The following CD2 variants were observed in gnomAD, a reference collection of about 807,000 sequenced individuals.
CD2 encodes the protein T-cell surface antigen CD2.
CD2 carries 18 observed loss-of-function variants against 23.2 expected under a neutral mutation model. The ratio of observed to expected loss-of-function variants is 0.77; its 90% confidence interval spans 0.54 to 1.15. CD2 has a LOEUF of 1.15. Among genes scored for constraint, CD2 ranks in the 50% most tolerant of loss-of-function variants. The probability of loss-of-function intolerance (pLI) is 0.00; values close to 1 mark genes in which losing one functional copy is unlikely to be tolerated. For missense variants in CD2, 424 were observed against 423.1 expected (o/e 1.00, Z -0.02); for synonymous variants, 162 against 151.9 (o/e 1.07, Z -0.49).
At chr1:116,763,648 G>A (rs1571242546) in intron 3 of CD2, among the ~76,000 whole-genome samples, 1 of 152,176 alleles carries the variant, frequency 6.6e-6, no homozygotes, top group African/African-American at 2.4e-5. Flanking sequence ...ACCCTATGAT[G>A]TAGGTTTCAT....
At chr1:116,761,154 C>G (rs1652039127) in intron 3 of CD2, among the ~76,000 whole-genome samples, 1 of 152,182 alleles carries the variant, frequency 6.6e-6, no homozygotes, top group African/African-American at 2.4e-5. Flanking sequence ...ACTCCTGGCA[C>G]ACAACAGGAC....
At position 116,754,498 on chromosome 1, in the gene CD2, C is replaced by T; in HGVS notation, c.6C>T (p.Ser2=). ...AGAGGAAACCAACCCCTAAGATGAG[C>T]TTTCCATGTAAATTTGTAGCCAGCT... M[S]FPCKFVASFL... Residue 2 remains serine, a synonymous_variant, in exon 1 of 5, where the codon AGC becomes AGT. Coordinates refer to ENST00000369478, the MANE Select transcript of CD2 (RefSeq NM_001767.5). 6.2e-7 allele frequency: 1 copy of T among 1,613,988 alleles called. No individual in the cohort carries two copies. Among genetic ancestry groups the T allele is most frequent in the Non-Finnish European group, 8.5e-7 (1 of 1,179,974 alleles).
intron 4 of CD2, among the ~76,000 whole-genome samples, chr1:116,766,376 A>G (rs575399246): frequency 2.8e-4 from 42 of 152,272 alleles, no homozygotes; most frequent in African/African-American, 9.9e-4. Flanking sequence ...CTCCTACCAG[A>G]GCTCATGTGC....
At chr1:116,764,038 C>T (rs1438637025) in intron 3 of CD2, among the ~76,000 whole-genome samples, 1 of 151,904 alleles carries the variant, frequency 6.6e-6, no homozygotes, top group Non-Finnish European at 1.5e-5. Flanking sequence ...ATCAACAGTG[C>T]AGAAACACCG....
At position 116,764,596 on chromosome 1, in the gene CD2, T is replaced by C. The variant is rs1218067584; in HGVS notation, c.726T>C (p.Ser242=). 3.7e-6 allele frequency: 6 copies of C among 1,612,682 alleles called. No homozygotes were observed. Among genetic ancestry groups the C allele is most frequent in the Non-Finnish European group, 5.1e-6 (6 of 1,179,624 alleles). ...TCACCAAAAGGAAAAAACAGAGGAG[T>C]CGGAGAAATGGTAAGCTCCCCCTCT... is the stretch of plus-strand genomic sequence containing the variant. ...FYITKRKKQR[S]RRNDEELETR... is the part of the protein sequence containing the mutation. Residue 242 remains serine (S), a synonymous_variant, in exon 4 of 5, where the codon AGT becomes AGC. Coordinates refer to ENST00000369478, the MANE Select transcript of CD2 (RefSeq NM_001767.5).
At position 116,760,510 on chromosome 1, in the gene CD2, A is replaced by G. The variant is rs1302803145; in HGVS notation, c.491A>G (p.His164Arg). ...TTAAACCTGTATCAAGATGGGAAAC[A>G]TCTAAAACTTTCTCAGAGGGTCATC... ...PELNLYQDGK[H>R]LKLSQRVITH... Residue 164 changes from histidine to arginine, a missense_variant, in exon 3 of 5, where the codon CAT (histidine) becomes CGT (arginine). His to Arg is a conservative substitution (Grantham distance 29). Transcript: ENST00000369478. 6.2e-7 allele frequency: 1 copy of G among 1,614,216 alleles called. No individual in the cohort carries two copies. The highest frequency in any genetic ancestry group is 8.5e-7 in the Non-Finnish European group (1 of 1,180,030).
chr1:116,760,474 C>T lies in CD2; in HGVS notation c.455C>T (p.Thr152Ile). The change falls in exon 3 of 5, where the codon ACT (threonine) becomes ATT (isoleucine). Residue 152 changes from threonine (T) to isoleucine (I), a missense_variant. Coordinates refer to ENST00000369478, the MANE Select transcript of CD2 (RefSeq NM_001767.5). ...CTGACCTGTGAGGTAATGAATGGAA[C>T]TGACCCCGAATTAAACCTGTATCAA... ...TTLTCEVMNGTDPELNLYQDG... is the reference protein window; with the variant it reads ...TTLTCEVMNGIDPELNLYQDG... The T allele has an allele frequency of 6.2e-7, 1 of 1,614,214 alleles. No homozygotes were observed.
chr1:116,764,605 T>C lies in CD2; in HGVS notation c.735T>C (p.Asn245=), dbSNP rs961169011. The C allele has an allele frequency of 2.5e-6, 4 of 1,613,378 alleles. No individual in the cohort carries two copies. The highest frequency in any genetic ancestry group is 3.3e-5 in the Admixed American group (2 of 59,990). Residue 245 remains asparagine (N), a splice_region_variant and synonymous_variant, in exon 4 of 5, where the codon AAT becomes AAC. Coordinates refer to ENST00000369478, the MANE Select transcript of CD2 (RefSeq NM_001767.5). ...TKRKKQRSRR[N]DEELETRAHR... is the part of the protein sequence containing the mutation. ...GGAAAAAACAGAGGAGTCGGAGAAATGGTAAGCTCCCCCTCTTTTGTCCCA... is the reference window on the plus strand; with the variant it reads ...GGAAAAAACAGAGGAGTCGGAGAAACGGTAAGCTCCCCCTCTTTTGTCCCA...
chr1:116,758,062 C>A (rs1475180480), intron 2 of CD2, among the ~76,000 whole-genome samples: 2 of 151,422 alleles, frequency 1.3e-5, no homozygotes, highest in African/African-American at 4.8e-5. Context: ...GCCACCTCTC[C>A]CAGCTGAAAT....
rs562415337 is a variant in CD2 at position 116,768,930 on chromosome 1, G to A, written c.*147G>A. The A allele has an allele frequency of 1.5e-5, 11 of 755,110 alleles. No homozygotes were observed. Among genetic ancestry groups the A allele is most frequent in the African/African-American group, 5.3e-5 (3 of 56,398 alleles). The allele number at this position is 755,110 out of a possible 1,614,324, so 46.8% of individuals were successfully genotyped here. A position where few individuals can be genotyped will look rare whatever the true frequency, so the allele number is the denominator to read the frequency against. ...GGGCCACAGCCACCTCTGCATCTTC[G>A]AACTCAGCCATGTGGTCAACATCTG... On this transcript the variant is annotated 3_prime_UTR_variant, in exon 5 of 5. Transcript: ENST00000369478.
At chr1:116,759,477 G>C (rs1651966253) in intron 2 of CD2, among the ~76,000 whole-genome samples, 1 of 152,056 alleles carries the variant, frequency 6.6e-6, no homozygotes, top group South Asian at 2.1e-4. Context: ...ACACAGCTAG[G>C]AAGTGATGGG....
rs573721647 is a variant in CD2 at position 116,767,591 on chromosome 1, C to CA, written c.737-856dup. On this transcript the variant is annotated intron_variant, in intron 4 of 4. Transcript: ENST00000369478. ...GGGCAACAAGAGTGAAACTTCAACTCAAAAAAAAAAAAAAAAAGAGGTAAT... is the reference window on the plus strand; with the variant it reads ...GGGCAACAAGAGTGAAACTTCAACTCAAAAAAAAAAAAAAAAAAGAGGTAAT... 7.7e-3 allele frequency among the ~76,000 whole-genome samples: 552 copies of CA among 71,684 alleles called. 5 individuals are homozygous for CA. Among genetic ancestry groups the CA allele is most frequent in the African/African-American group, 0.014 (332 of 24,046 alleles). The allele number at this position is 71,684 out of a possible 152,430, so 47.0% of individuals were successfully genotyped here.
chr1:116,756,590 G>A (rs1370340513), intron 2 of CD2, among the ~76,000 whole-genome samples: 2 of 151,880 alleles, frequency 1.3e-5, no homozygotes, highest in Non-Finnish European at 2.9e-5. Flanking sequence ...TTTCCAAGCA[G>A]CTTCATTGAG....
At chr1:116,766,961 C>A (rs927367844) in intron 4 of CD2, among the ~76,000 whole-genome samples, 2 of 152,134 alleles carry the variant, frequency 1.3e-5, no homozygotes, top group Middle Eastern at 3.2e-3. Context: ...GAAGGACCAC[C>A]CACTGCCCCA....
At chr1:116,759,633 G>A (rs889596613) in intron 2 of CD2, among the ~76,000 whole-genome samples, 17 of 152,188 alleles carry the variant, frequency 1.1e-4, no homozygotes, top group African/African-American at 4.1e-4. Flanking sequence ...GATCTGCCCA[G>A]GGCTTTGCCA....
chr1:116,761,509 T>C (rs1652053375), intron 3 of CD2, among the ~76,000 whole-genome samples: 1 of 152,178 alleles, frequency 6.6e-6, no homozygotes, highest in Non-Finnish European at 1.5e-5. Context: ...GCAGCTAGCT[T>C]CCCTCAGAGC....
chr1:116,764,887 A>G (rs914769503), intron 4 of CD2, among the ~76,000 whole-genome samples: 1 of 152,172 alleles, frequency 6.6e-6, no homozygotes, highest in African/African-American at 2.4e-5. Context: ...GCTAATGTGA[A>G]CATCTTTTGA....
rs1652316451 is a variant in CD2 at position 116,769,060 on chromosome 1, T to C, written c.*277T>C. ...ACCGAGCACAGAAATCTTAGAGATTTCTTGTCCCCTCTCAGGTCATGTGTA... is the reference window on the plus strand; with the variant it reads ...ACCGAGCACAGAAATCTTAGAGATTCCTTGTCCCCTCTCAGGTCATGTGTA... On this transcript the variant is annotated 3_prime_UTR_variant, in exon 5 of 5. Coordinates refer to ENST00000369478, the MANE Select transcript of CD2 (RefSeq NM_001767.5). 2.5e-6 allele frequency: 1 copy of C among 400,442 alleles called. No homozygotes were observed. The highest frequency in any genetic ancestry group is 4.5e-6 in the Non-Finnish European group (1 of 223,538). 24.8% of individuals were successfully genotyped at this position (400,442 alleles called of 1,614,324 possible).
chr1:116,768,850 C>A lies in CD2; in HGVS notation c.*67C>A. On this transcript the variant is annotated 3_prime_UTR_variant, in exon 5 of 5. Coordinates refer to ENST00000369478, the MANE Select transcript of CD2 (RefSeq NM_001767.5). Reference sequence around the variant, plus strand: ...TTTCTGCCCTCCTGATGTGCATATCCGTACTTCCATGAGGTGTTTTCTGTG... The same window carrying A: ...TTTCTGCCCTCCTGATGTGCATATCAGTACTTCCATGAGGTGTTTTCTGTG... 1 of 1,444,910 alleles carries A rather than the reference C, an allele frequency of 6.9e-7. No homozygotes were observed. The highest frequency in any genetic ancestry group is 1.3e-5 in the South Asian group (1 of 76,104). The allele number at this position is 1,444,910 out of a possible 1,614,324, so 89.5% of individuals were successfully genotyped here.
Sources: gnomAD v4.1 joint callset for allele counts (sites outside exome capture counted in the v4.1 genomes callset) on GRCh38, gnomAD v4.1.1 for gene constraint, MANE v1.5 for transcripts, NCBI Gene and HGNC (gene_info 2026-07-23, HGNC 2026-07-21) for gene names.